CSMD1: variants seen among roughly 807,000 people sequenced by gnomAD.
CSMD1 encodes CUB and sushi domain-containing protein 1.
CSMD1 carries 213 observed loss-of-function variants against 417.5 expected under a neutral mutation model. The observed-to-expected ratio is 0.51, with a 90% CI of 0.46 to 0.57. CSMD1 has a LOEUF of 0.57. Ranked by LOEUF, CSMD1 falls within the 20% of genes least tolerant of loss-of-function variation. The pLI is 0.00. For missense variants in CSMD1, 6,923 were observed against 4,529.7 expected (o/e 1.53, Z -15.17); for synonymous variants, 2,862 against 1,736.8 (o/e 1.65, Z -16.11).
Position 3,966,232 on chromosome 8 carries a change from T to C in CSMD1, c.818+31671A>G, listed in dbSNP as rs145045931. 3.1e-3 allele frequency among the ~76,000 whole-genome samples: 477 copies of C among 152,244 alleles called. 4 individuals carry two copies. The highest frequency in any genetic ancestry group is 0.011 in the African/African-American group (463 of 41,550). ...GATTGCCAGCTTATTGGCTAAATGA[T>C]TTCCGCCCATATTTAATCAATATTG... On this transcript the variant is annotated intron_variant, in intron 5 of 69. Transcript: ENST00000635120.
chr8:4,024,424 C>T (rs2688397), intron 4 of CSMD1, among the ~76,000 whole-genome samples: 62,993 of 151,890 alleles, frequency 0.41, 13,106 homozygotes, highest in East Asian at 0.48. Context: ...TATTATTAAA[C>T]TCTTCAACCA....
At chr8:4,729,036 G>C (rs1029182062) in intron 1 of CSMD1, among the ~76,000 whole-genome samples, 1 of 152,166 alleles carries the variant, frequency 6.6e-6, no homozygotes. Context: ...GACGGAAAGA[G>C]ATAAATTCAC....
intron 3 of CSMD1, among the ~76,000 whole-genome samples, chr8:4,079,831 G>A (rs1486977107): frequency 2.6e-5 from 4 of 152,124 alleles, no homozygotes; most frequent in South Asian, 2.1e-4. Flanking sequence ...GAAAACAGTA[G>A]CCAGGGATAA....
At chr8:4,853,528 G>A (rs964268374) in intron 1 of CSMD1, among the ~76,000 whole-genome samples, 2 of 152,260 alleles carry the variant, frequency 1.3e-5, no homozygotes, top group Non-Finnish European at 2.9e-5. Flanking sequence ...TTCAGAAGAT[G>A]TATCAGAAAG....
At chr8:4,835,179 G>C (rs10087873) in intron 1 of CSMD1, among the ~76,000 whole-genome samples, 128,110 of 151,602 alleles carry the variant, frequency 0.85, 56,276 homozygotes, top group East Asian at 0.98. Context: ...GAAATGAAGC[G>C]AAGGACAATC....
intron 1 of CSMD1, among the ~76,000 whole-genome samples, chr8:4,896,856 G>GCTGC (rs1006571771): frequency 1.3e-4 from 20 of 152,146 alleles, no homozygotes; most frequent in Non-Finnish European, 2.4e-4. Context: ...GGTTGCAGCA[G>GCTGC]CTGCCGGGAA....
intron 6 of CSMD1, among the ~76,000 whole-genome samples, chr8:3,752,666 C>A (rs1187427895): frequency 7.2e-6 from 1 of 137,970 alleles, no homozygotes; most frequent in East Asian, 2.2e-4. Context: ...GCCACCCACT[C>A]CCCGCCTGGC....
intron 3 of CSMD1, among the ~76,000 whole-genome samples, chr8:4,169,901 G>C (rs993594898): frequency 6.7e-6 from 1 of 149,680 alleles, no homozygotes; most frequent in Non-Finnish European, 1.5e-5. Context: ...ATGAGTACCT[G>C]TTTCCACTAT....
At chr8:3,455,618 A>G (rs968115203) in intron 12 of CSMD1, among the ~76,000 whole-genome samples, 6 of 152,246 alleles carry the variant, frequency 3.9e-5, no homozygotes, top group African/African-American at 1.4e-4. Context: ...CAGAGGCTGC[A>G]GAACAGTGGA....
chr8:3,476,297 T>C (rs1340684207), intron 11 of CSMD1, among the ~76,000 whole-genome samples: 1 of 152,222 alleles, frequency 6.6e-6, no homozygotes, highest in Non-Finnish European at 1.5e-5. Context: ...AGTAGTTTGT[T>C]TTTGGGAGTA....
At chr8:4,441,529 T>G (rs955440365) in intron 2 of CSMD1, among the ~76,000 whole-genome samples, 2 of 152,146 alleles carry the variant, frequency 1.3e-5, no homozygotes, top group African/African-American at 4.8e-5. Context: ...ACTTTCAATT[T>G]TCATGTGCAA....
intron 2 of CSMD1, among the ~76,000 whole-genome samples, chr8:4,449,281 A>C (rs998679380): frequency 3.3e-5 from 5 of 152,206 alleles, no homozygotes; most frequent in African/African-American, 1.2e-4. Context: ...GGAAACTCAG[A>C]AATGTTTTAC....
intron 49 of CSMD1, among the ~76,000 whole-genome samples, chr8:3,055,461 C>T (rs1241014114): frequency 1.3e-5 from 2 of 152,202 alleles, no homozygotes; most frequent in African/African-American, 4.8e-5. Context: ...GGAGACACAG[C>T]ATAATCCTTA....
At chr8:4,159,534 C>G (rs1797026780) in intron 3 of CSMD1, among the ~76,000 whole-genome samples, 1 of 152,120 alleles carries the variant, frequency 6.6e-6, no homozygotes, top group Admixed American at 6.5e-5. Flanking sequence ...TACCACTCAG[C>G]CATAAAAAGC....
chr8:4,799,248 A>C (rs149481199), intron 1 of CSMD1, among the ~76,000 whole-genome samples: 1 of 152,184 alleles, frequency 6.6e-6, no homozygotes, highest in Non-Finnish European at 1.5e-5. Flanking sequence ...GATAACACCG[A>C]TGTAGCTCAC....
At chr8:4,180,384 A>G (rs538562477) in intron 3 of CSMD1, among the ~76,000 whole-genome samples, 1 of 143,370 alleles carries the variant, frequency 7.0e-6, no homozygotes, top group East Asian at 2.1e-4. Context: ...AAATGAGAAC[A>G]CATGGACACA....
rs963710148 is a variant in CSMD1 at position 4,456,532 on chromosome 8, T to A, written c.303-36467A>T. Reference sequence around the variant, plus strand: ...AGTAAATGTTTATAGTGTTGGCACTTCAGTAGTGACACCACTTTGGGTAGA... The same window carrying A: ...AGTAAATGTTTATAGTGTTGGCACTACAGTAGTGACACCACTTTGGGTAGA... On this transcript the variant is annotated intron_variant, in intron 2 of 69. Coordinates refer to ENST00000635120, the MANE Select transcript of CSMD1 (RefSeq NM_033225.6). Among the ~76,000 whole-genome samples the A allele has an allele frequency of 1.3e-5, 2 of 152,202 alleles. 1 individual carries two copies. The highest frequency in any genetic ancestry group is 2.9e-5 in the Non-Finnish European group (2 of 68,034).
chr8:4,600,795 A>G (rs544380185), intron 2 of CSMD1, among the ~76,000 whole-genome samples: 1 of 152,194 alleles, frequency 6.6e-6, no homozygotes, highest in Non-Finnish European at 1.5e-5. Flanking sequence ...TTCAGACGTA[A>G]GAAATCAATC....
chr8:3,386,819 A>G lies in CSMD1; in HGVS notation c.2782+675T>C, dbSNP rs142625524. On this transcript the variant is annotated intron_variant, in intron 18 of 69. Coordinates refer to ENST00000635120, the MANE Select transcript of CSMD1 (RefSeq NM_033225.6). ...TATACTGGGGTTATATTCATGGTCA[A>G]GGGCAAAATACCCCAAGTTTTTTTG... Among the ~76,000 whole-genome samples the G allele has an allele frequency of 6.5e-3, 983 of 152,306 alleles. 21 individuals carry two copies. The highest frequency in any genetic ancestry group is 0.023 in the African/African-American group (936 of 41,570).
Sources: gnomAD v4.1 joint callset for allele counts (sites outside exome capture counted in the v4.1 genomes callset) on GRCh38, gnomAD v4.1.1 for gene constraint, MANE v1.5 for transcripts, NCBI Gene and HGNC (gene_info 2026-07-23, HGNC 2026-07-21) for gene names.